ZFHX4: variants seen among roughly 807,000 people sequenced by gnomAD.
ZFHX4 encodes zinc finger homeobox protein 4.
ZFHX4 carries 56 observed loss-of-function variants against 267.6 expected under a neutral mutation model. The ratio of observed to expected loss-of-function variants is 0.21; its 90% CI spans 0.17 to 0.26. ZFHX4 has a LOEUF of 0.26. Among genes scored for constraint, ZFHX4 ranks in the 10% least tolerant of loss-of-function variants. ZFHX4 has a pLI of 1.00. For missense variants in ZFHX4, 4,332 were observed against 4,420.0 expected, an observed-to-expected ratio of 0.98 and a Z score of 0.56; for synonymous variants, 1,778 against 1,665.6, an observed-to-expected ratio of 1.07 and a Z score of -1.64.
Position 76,855,928 on chromosome 8 carries a change from G to C in ZFHX4, c.9007G>C (p.Glu3003Gln). The stretch of plus-strand genomic sequence containing the variant: ...TTTCATGATCAATCAAGGCGGAACG[G>C]AAGGCACCAAACCAGAGTGTACCCT... ...KPFMINQGGT[E>Q]GTKPECTLCG... The change falls in exon 10 of 11, where the codon GAA becomes CAA. Residue 3003 changes from glutamate to glutamine, a missense_variant. Physicochemically the swap from Glu to Gln is conservative, Grantham distance 29. This residue lies in a region of ZFHX4 where 1,648 missense variants were observed against 1,625.0 expected (regional missense o/e 1.01). Coordinates refer to ENST00000651372, the MANE Select transcript of ZFHX4 (RefSeq NM_024721.5). 1 of 1,613,910 alleles carries C rather than the reference G, an allele frequency of 6.2e-7. No homozygotes were observed. The highest frequency in any genetic ancestry group is 8.5e-7 in the Non-Finnish European group (1 of 1,179,868).
At chr8:76,742,037 G>T (rs774533359) in intron 3 of ZFHX4, among the ~76,000 whole-genome samples, 5 of 152,204 alleles carry the variant, frequency 3.3e-5, no homozygotes, top group Admixed American at 2.0e-4. Context: ...GTTGCTGATT[G>T]GTTTGGGCAC....
chr8:76,685,729 G>C (rs1230998901), intron 1 of ZFHX4, among the ~76,000 whole-genome samples: 1 of 152,090 alleles, frequency 6.6e-6, no homozygotes, highest in Non-Finnish European at 1.5e-5. Context: ...AAGTATTGGG[G>C]CAGAGGAGTT....
At chr8:76,754,879 C>T (rs760521360) in intron 3 of ZFHX4, among the ~76,000 whole-genome samples, 2 of 152,108 alleles carry the variant, frequency 1.3e-5, no homozygotes, top group Admixed American at 1.3e-4. Flanking sequence ...CCATAATTCA[C>T]TCTCTACTTC....
Position 76,864,047 on chromosome 8 carries a change from A to T in ZFHX4, c.10333A>T (p.Ser3445Cys). ...AGAGACAGTGCTTCGTGTCCCAGTC[A>T]GCAAATATCAGTGTCTTGCCTGTGA... ...PQETVLRVPV[S>C]KYQCLACDVA... Residue 3445 changes from serine to cysteine, a missense_variant, in exon 11 of 11, where the codon AGC becomes TGC. Physicochemically the swap from Ser to Cys is moderately radical, Grantham distance 112 (BLOSUM62 -1). Transcript: ENST00000651372. The T allele has an allele frequency of 6.2e-7, 1 of 1,613,894 alleles. No homozygotes were observed. The highest frequency in any genetic ancestry group is 8.5e-7 in the Non-Finnish European group (1 of 1,179,864).
At position 76,863,146 on chromosome 8, in the gene ZFHX4, G is replaced by C. The variant is rs544161218; in HGVS notation, c.9432G>C (p.Ser3144=). 1.3e-6 allele frequency: 2 copies of C among 1,543,610 alleles called. No individual in the cohort carries two copies. The highest frequency in any genetic ancestry group is 2.8e-5 in the African/African-American group (2 of 72,666). Reference sequence around the variant, plus strand: ...TTGGGTTTCCTACTTCAGCTACTTCGTCTCCTGCCCTGTCTCTCAGCAGTG... The same window carrying C: ...TTGGGTTTCCTACTTCAGCTACTTCCTCTCCTGCCCTGTCTCTCAGCAGTG... The part of the protein sequence containing the change: ...GMLGFPTSAT[S]SPALSLSSAP... The change falls in exon 11 of 11, where the codon TCG becomes TCC. Residue 3144 remains serine (S), a synonymous_variant. Coordinates refer to ENST00000651372, the MANE Select transcript of ZFHX4 (RefSeq NM_024721.5).
intron 3 of ZFHX4, among the ~76,000 whole-genome samples, chr8:76,738,973 C>T (rs1484295774): frequency 6.6e-6 from 1 of 152,090 alleles, no homozygotes; most frequent in African/African-American, 2.4e-5. Context: ...CCTCAGCCTC[C>T]CAAACTTCTG....
At chr8:76,816,932 C>T (rs1358013875) in intron 4 of ZFHX4, among the ~76,000 whole-genome samples, 1 of 152,120 alleles carries the variant, frequency 6.6e-6, no homozygotes, top group Non-Finnish European at 1.5e-5. Context: ...AAATGTCTAA[C>T]TCTGTCATTA....
rs181761417 is a variant in ZFHX4 at position 76,691,431 on chromosome 8, T to A, written c.-47+9811T>A. On this transcript the variant is annotated intron_variant, in intron 1 of 10. Coordinates refer to ENST00000651372, the MANE Select transcript of ZFHX4 (RefSeq NM_024721.5). ...TTCAATTCCGTGTAAGGAAAGGATA[T>A]GAAGTCAAGGCTGTGATGTTTTGGA... 2.6e-4 allele frequency among the ~76,000 whole-genome samples: 40 copies of A among 152,184 alleles called. 1 individual carries two copies. The East Asian group carries it at 6.8e-3, about 26-fold the overall frequency.
intron 4 of ZFHX4, among the ~76,000 whole-genome samples, chr8:76,806,062 T>C (rs1811236747): frequency 6.6e-6 from 1 of 152,086 alleles, no homozygotes. Flanking sequence ...TAACCTTCAT[T>C]TCCCATCCTT....
intron 3 of ZFHX4, among the ~76,000 whole-genome samples, chr8:76,718,074 A>G (rs1347817750): frequency 4.6e-5 from 7 of 152,246 alleles, no homozygotes; most frequent in Non-Finnish European, 1.0e-4. Flanking sequence ...CCTCTGAAAG[A>G]GAGTCAATTT....
intron 3 of ZFHX4, among the ~76,000 whole-genome samples, chr8:76,776,366 G>T (rs1304754605): frequency 2.0e-5 from 3 of 152,044 alleles, no homozygotes; most frequent in African/African-American, 7.2e-5. Flanking sequence ...ATCCCACAAG[G>T]CACTCTCTCT....
chr8:76,727,867 C>T (rs148357460), intron 3 of ZFHX4, among the ~76,000 whole-genome samples: 7 of 152,242 alleles, frequency 4.6e-5, no homozygotes, highest in African/African-American at 1.4e-4. Context: ...CTCCCCGAGG[C>T]TCAGCAGGAT....
chr8:76,845,809 A>G (rs143077869), intron 6 of ZFHX4, among the ~76,000 whole-genome samples: 1,538 of 152,142 alleles, frequency 0.01, 16 homozygotes, highest in African/African-American at 0.03. Context: ...AAATAATCCC[A>G]TAACTGACAG....
chr8:76,829,005 G>C (rs1226696583), intron 4 of ZFHX4, among the ~76,000 whole-genome samples: 1 of 152,026 alleles, frequency 6.6e-6, no homozygotes, highest in Non-Finnish European at 1.5e-5. Context: ...AGGTTTTGCA[G>C]GCAAATAGTA....
chr8:76,858,001 T>C (rs1812776397), intron 10 of ZFHX4, among the ~76,000 whole-genome samples: 1 of 152,190 alleles, frequency 6.6e-6, no homozygotes, highest in Admixed American at 6.5e-5. Context: ...CTGAAAACAG[T>C]TGAAATATCT....
At chr8:76,684,843 A>G (rs1377287587) in intron 1 of ZFHX4, among the ~76,000 whole-genome samples, 1 of 152,230 alleles carries the variant, frequency 6.6e-6, no homozygotes, top group East Asian at 1.9e-4. Context: ...GCAAAGGAAA[A>G]CATAAAGGAG....
intron 1 of ZFHX4, among the ~76,000 whole-genome samples, chr8:76,700,949 T>A (rs1808086250): frequency 6.6e-6 from 1 of 152,174 alleles, no homozygotes; most frequent in Non-Finnish European, 1.5e-5. Context: ...TTGGAATTAA[T>A]TCTATGGTTT....
chr8:76,749,733 C>T (rs1168920334), intron 3 of ZFHX4, among the ~76,000 whole-genome samples: 2 of 152,026 alleles, frequency 1.3e-5, no homozygotes, highest in African/African-American at 4.8e-5. Context: ...CTAATTTTTA[C>T]CCAATACATG....
At position 76,850,368 on chromosome 8, in the gene ZFHX4, C is replaced by A. The variant is rs751120939; in HGVS notation, c.3964+6C>A. 1.6e-5 allele frequency: 25 copies of A among 1,600,356 alleles called. No homozygotes were observed. In the Admixed American group the frequency reaches 3.7e-4, roughly 24 times the overall value. On this transcript the variant is annotated splice_donor_region_variant and intron_variant, in intron 9 of 10. Transcript: ENST00000651372. ...GGGGTCTGGGAAATATTCAGGTATGCCATCTTATCATCAAGACTTGTGAAC... is the reference window on the plus strand; with the variant it reads ...GGGGTCTGGGAAATATTCAGGTATGACATCTTATCATCAAGACTTGTGAAC...
Sources: allele counts gnomAD v4.1 joint callset (sites outside exome capture counted in the v4.1 genomes callset), GRCh38; gene constraint gnomAD v4.1.1; regional missense constraint gnomAD v4.1.1; transcripts MANE v1.5; gene names NCBI Gene and HGNC (gene_info 2026-07-23, HGNC 2026-07-21).